RPGR: variants seen among roughly 807,000 people sequenced by gnomAD.
RPGR encodes the protein retinitis pigmentosa GTPase regulator.
Under a neutral mutation model 56.3 loss-of-function variants are expected in RPGR, and 10 were observed. The observed-to-expected ratio is 0.18, with a 90% confidence interval of 0.11 to 0.30. The LOEUF (loss-of-function observed/expected upper bound fraction) is 0.30. Among genes scored for constraint, RPGR ranks in the 10% least tolerant of loss-of-function variants. RPGR has a pLI of 1.00. For synonymous variants in RPGR, 197 were observed against 212.9 expected, an observed-to-expected ratio of 0.93 and a Z score of 0.65; for missense variants, 538 against 590.9, an observed-to-expected ratio of 0.91 and a Z score of 0.93.
At chrX:38,284,970 A>G in intron 15 of RPGR, 7 of 756,259 alleles carry the variant, frequency 9.3e-6, no homozygotes, top group Non-Finnish European at 1.1e-5. Flanking sequence ...CACAGCTGTC[A>G]CTTTGTAGAT....
chrX:38,321,170 A>G, intron 3 of RPGR, 81 bp from the exon 4 acceptor site: 1 of 723,647 alleles, frequency 1.4e-6, no homozygotes, highest in Non-Finnish European at 2.2e-6. Context: ...ACTAAGTGAT[A>G]GAACCGAGAT....
chrX:38,306,805 A>G (rs759136639), intron 7 of RPGR, among the ~76,000 whole-genome samples: 11 of 112,403 alleles, frequency 9.8e-5, no homozygotes, highest in Non-Finnish European at 2.1e-4. Flanking sequence ...AGTTTTGTTC[A>G]GTATCCTGGT....
rs2067799007 is a variant in RPGR, at chrX:38,315,304, C to T, written c.619+2012G>A. Among the ~76,000 whole-genome samples, 3 of 111,537 alleles carry T rather than the reference C, an allele frequency of 2.7e-5. No homozygotes were observed. In the Admixed American group the frequency reaches 2.9e-4, roughly 11 times the overall value. ...CCGGGACTATACTACTGTACTCCAG[C>T]CTGGGCAACAGAGCAAGACTCTGTC... On this transcript the variant is annotated intron_variant, in intron 6 of 18. Coordinates refer to ENST00000642395, the MANE Select transcript of RPGR (RefSeq NM_000328.3).
intron 18 of RPGR, chrX:38,272,546 C>T (rs12557599): frequency 0.11 from 11,620 of 107,498 alleles, 826 homozygotes; most frequent in East Asian, 0.57. Flanking sequence ...GAGCCAAGAT[C>T]GCGCCATTGC....
rs776070455 is a variant in RPGR at position 38,271,441 on chromosome X, C to T, written c.2242-1609G>A. On this transcript the variant is annotated intron_variant, in intron 18 of 18. Transcript: ENST00000642395. Reference sequence around the variant, plus strand: ...AAAAAAGAAAGAAGGAACAGGAAGCCTCAGAGGTCATTAAGAACTGAAATA... The same window carrying T: ...AAAAAAGAAAGAAGGAACAGGAAGCTTCAGAGGTCATTAAGAACTGAAATA... Among the ~76,000 whole-genome samples, 6 of 112,024 alleles carry T rather than the reference C, an allele frequency of 5.4e-5. No individual in the cohort carries two copies. In the East Asian group the frequency reaches 1.7e-3, roughly 31 times the overall value.
intron 1 of RPGR, among the ~76,000 whole-genome samples, chrX:38,326,308 G>A (rs1403444795): frequency 3.6e-5 from 4 of 111,941 alleles, no homozygotes; most frequent in Non-Finnish European, 7.5e-5. Context: ...CCGGCCAGGA[G>A]CATGGAAGAA....
rs182264574 is a variant in RPGR, at chrX:38,271,921, A to T, written c.2241+1465T>A. Reference sequence around the variant, plus strand: ...AGACTAGAATAAAAAAAGTAAGCATAAAACAAGATACTGATTTTAAAAGAC... The same window carrying T: ...AGACTAGAATAAAAAAAGTAAGCATTAAACAAGATACTGATTTTAAAAGAC... On this transcript the variant is annotated intron_variant, in intron 18 of 18. Coordinates refer to ENST00000642395, the MANE Select transcript of RPGR (RefSeq NM_000328.3). Among the ~76,000 whole-genome samples, 124 of 112,737 alleles carry T rather than the reference A, an allele frequency of 1.1e-3. 1 individual carries two copies. The highest frequency in any genetic ancestry group is 2.1e-4 in the Non-Finnish European group (11 of 53,333).
intron 1 of RPGR, chrX:38,327,100 C>T: frequency 2.7e-6 from 1 of 366,112 alleles, no homozygotes; most frequent in Non-Finnish European, 4.7e-6. Context: ...AGAAGCTCAT[C>T]AAGAGCTTAT....
In RPGR at chrX:38,269,594, C is replaced by T. The variant is rs745380815; in HGVS notation, c.*32G>A. ...CATTTTTCAAGTATACATTACAATA[C>T]ACTTGGTGACTGTGAAAACATAAAT... On this transcript the variant is annotated 3_prime_UTR_variant, in exon 19 of 19. Transcript: ENST00000642395. 2.5e-5 allele frequency: 26 copies of T among 1,032,037 alleles called. No individual in the cohort carries two copies. The highest frequency in any genetic ancestry group is 9.1e-5 in the East Asian group (3 of 32,935). The allele number at this position is 1,032,037 out of a possible 1,213,427, so 85.1% of individuals were successfully genotyped here. A position where few individuals can be genotyped will look rare whatever the true frequency, so the allele number is the denominator to read the frequency against.
At chrX:38,311,911 A>C (rs1416574545) in intron 6 of RPGR, among the ~76,000 whole-genome samples, 2 of 111,748 alleles carry the variant, frequency 1.8e-5, no homozygotes, top group African/African-American at 3.3e-5. Context: ...TCCTAAGAGA[A>C]AGTACTAGGA....
At chrX:38,285,389 C>T (rs1368322940) in intron 15 of RPGR, 13 of 1,089,736 alleles carry the variant, frequency 1.2e-5, no homozygotes, top group East Asian at 3.4e-5. Flanking sequence ...TTGTCTTTGG[C>T]TCCTTAACAC....
intron 16 of RPGR, among the ~76,000 whole-genome samples, chrX:38,275,503 T>C (rs1033798611): frequency 8.9e-6 from 1 of 112,058 alleles, no homozygotes; most frequent in African/African-American, 3.2e-5. Context: ...TAACCTGAAT[T>C]CATAAATGTT....
At chrX:38,277,472 CT>C (rs765674122) in intron 15 of RPGR, among the ~76,000 whole-genome samples, 2,307 of 101,130 alleles carry the variant, frequency 0.023, 38 homozygotes, top group Middle Eastern at 0.04. Flanking sequence ...ACTGAGATTT[CT>C]TTTTTTTTTT....
chrX:38,270,619 TC>T (rs35050825), intron 18 of RPGR, among the ~76,000 whole-genome samples: 12,474 of 78,725 alleles, frequency 0.16, 1,045 homozygotes, highest in East Asian at 0.56. Context: ...CGAGACTCTG[TC>T]CCCAAAAAAA....
intron 15 of RPGR, among the ~76,000 whole-genome samples, chrX:38,283,325 C>T (rs2067066283): frequency 8.9e-6 from 1 of 111,904 alleles, no homozygotes; most frequent in Admixed American, 9.5e-5. Context: ...TGTGGGGTCG[C>T]TTTGGTGACG....
intron 17 of RPGR, among the ~76,000 whole-genome samples, chrX:38,274,904 T>A (rs1219081760): frequency 8.9e-6 from 1 of 112,472 alleles, no homozygotes; most frequent in Non-Finnish European, 1.9e-5. Context: ...GGTGGTTATA[T>A]ATAAGAACAG....
intron 15 of RPGR, among the ~76,000 whole-genome samples, chrX:38,280,289 G>A (rs1045010988): frequency 8.9e-6 from 1 of 111,748 alleles, no homozygotes; most frequent in Non-Finnish European, 1.9e-5. Context: ...TCGAAAAACA[G>A]TAAGTTTGGA....
At chrX:38,303,590 C>T in intron 8 of RPGR, 1 of 275,293 alleles carries the variant, frequency 3.6e-6, no homozygotes. Context: ...TACACAACAA[C>T]TCTTAGTGGA....
intron 7 of RPGR, among the ~76,000 whole-genome samples, chrX:38,309,745 T>A (rs2067676183): frequency 9.0e-6 from 1 of 111,329 alleles, no homozygotes; most frequent in South Asian, 3.8e-4. Flanking sequence ...GGAGAATCGC[T>A]TGAACTCAGG....
Sources: allele counts gnomAD v4.1 joint callset (sites outside exome capture counted in the v4.1 genomes callset), GRCh38; gene constraint gnomAD v4.1.1; transcripts MANE v1.5; gene names NCBI Gene and HGNC (gene_info 2026-07-23, HGNC 2026-07-21).